LEMD3: variants seen among roughly 807,000 people sequenced by gnomAD.
The protein encoded by LEMD3 is LEM domain containing 3, also known as inner nuclear membrane protein Man1.
A neutral mutation model predicts 95.2 loss-of-function variants in LEMD3; 33 were observed. That is an observed-to-expected ratio of 0.35 (90% CI 0.26 to 0.46). The LOEUF (loss-of-function observed/expected upper bound fraction) is 0.46, where lower values mean the gene tolerates loss of function less well. Ranked by LOEUF, LEMD3 falls within the 20% of genes least tolerant of loss-of-function variation. The probability of loss-of-function intolerance (pLI) is 1.00; values close to 1 mark genes in which losing one functional copy is unlikely to be tolerated. For synonymous variants in LEMD3, 525 were observed against 474.6 expected (o/e 1.11, Z -1.38); for missense variants, 1,210 against 1,192.8 (o/e 1.01, Z -0.21).
At position 65,247,042 on chromosome 12, in the gene LEMD3, A is replaced by ATG. The variant is rs1871133970; in HGVS notation, c.*719_*720dup. ...TGTGTGTATGTGTGTGTATATATAG[A>ATG]TGTATATATATACACACACAGAGAT... is the stretch of plus-strand genomic sequence containing the variant. On this transcript the variant is annotated 3_prime_UTR_variant, in exon 13 of 13. Transcript: ENST00000308330. 6.6e-6 allele frequency: 1 copy of ATG among 152,600 alleles called. No homozygotes were observed. Among genetic ancestry groups the ATG allele is most frequent in the African/African-American group, 2.4e-5 (1 of 41,432 alleles). The allele number at this position is 152,600 out of a possible 1,614,324, so 9.5% of individuals were successfully genotyped here.
intron 2 of LEMD3, among the ~76,000 whole-genome samples, chr12:65,212,707 TA>T (rs1456306931): frequency 2.0e-5 from 3 of 152,198 alleles, no homozygotes; most frequent in Non-Finnish European, 4.4e-5. Flanking sequence ...AATTAGAAAG[TA>T]GCTAATTCAA....
chr12:65,245,840 C>A, intron 11 of LEMD3, 21 bp from the exon 12 acceptor site: 1 of 1,541,612 alleles, frequency 6.5e-7, no homozygotes, highest in Non-Finnish European at 8.8e-7. Context: ...AGACTATTTT[C>A]TTTCTTTTTT....
chr12:65,211,159 C>T (rs1869926611), intron 2 of LEMD3, among the ~76,000 whole-genome samples, 196 bp downstream of exon 2: 1 of 152,128 alleles, frequency 6.6e-6, no homozygotes, highest in Non-Finnish European at 1.5e-5. Context: ...TGAGTATTCC[C>T]TAACTGTCGT....
chr12:65,242,261 T>C (rs532802414), intron 9 of LEMD3, among the ~76,000 whole-genome samples: 1 of 152,356 alleles, frequency 6.6e-6, no homozygotes, highest in African/African-American at 2.4e-5. Context: ...AGTCCTTTTC[T>C]AGATTATCCT....
chr12:65,200,221 T>A (rs978401573), intron 1 of LEMD3, among the ~76,000 whole-genome samples: 2 of 152,096 alleles, frequency 1.3e-5, no homozygotes, highest in Non-Finnish European at 2.9e-5. Flanking sequence ...ATCAGACTGG[T>A]TGTGACCCAC....
intron 1 of LEMD3, among the ~76,000 whole-genome samples, chr12:65,179,712 A>G (rs1239731458): frequency 1.3e-5 from 2 of 152,180 alleles, no homozygotes; most frequent in Non-Finnish European, 2.9e-5. Flanking sequence ...CTGCCATGGC[A>G]CGCGTTTACC....
chr12:65,204,270 C>G (rs1419255212), intron 1 of LEMD3, among the ~76,000 whole-genome samples: 3 of 151,116 alleles, frequency 2.0e-5, no homozygotes, highest in African/African-American at 4.9e-5. Context: ...GCTGATCATT[C>G]TGTCACCCAG....
chr12:65,211,191 T>G (rs1869927825), intron 2 of LEMD3, among the ~76,000 whole-genome samples: 1 of 152,216 alleles, frequency 6.6e-6, no homozygotes, highest in African/African-American at 2.4e-5. Flanking sequence ...TGACACAGAT[T>G]TTCTCTTAAG....
At chr12:65,197,291 T>C (rs1869462561) in intron 1 of LEMD3, among the ~76,000 whole-genome samples, 1 of 152,108 alleles carries the variant, frequency 6.6e-6, no homozygotes, top group Admixed American at 6.6e-5. Context: ...AGTAGAATGG[T>C]TGTGGGAAAT....
chr12:65,193,775 T>TGTGTGTGTGTGTGTGTG (rs61507306), intron 1 of LEMD3, among the ~76,000 whole-genome samples: 30 of 145,020 alleles, frequency 2.1e-4, no homozygotes, highest in African/African-American at 4.8e-4. Context: ...TGTGTGTGTG[T>TGTGTGTGTGTGTGTGTG]TGGGGGAGGG....
rs1041523937 is a variant in LEMD3, at chr12:65,170,215, C to T, written c.619C>T (p.Leu207=). 1.3e-6 allele frequency: 2 copies of T among 1,504,486 alleles called. No homozygotes were observed. Among genetic ancestry groups the T allele is most frequent in the Non-Finnish European group, 1.8e-6 (2 of 1,125,084 alleles). The allele number at this position is 1,504,486 out of a possible 1,614,324, so 93.2% of individuals were successfully genotyped here. Residue 207 remains leucine, a synonymous_variant, in exon 1 of 13, where the codon CTG becomes TTG. Transcript: ENST00000308330. ...WGARRPAGPE[L]QTPPGKDGAV... Reference sequence around the variant, plus strand: ...GGCCAGGAGGCCGGCGGGCCCCGAGCTGCAGACCCCGCCGGGGAAAGATGG... The same window carrying T: ...GGCCAGGAGGCCGGCGGGCCCCGAGTTGCAGACCCCGCCGGGGAAAGATGG...
chr12:65,240,803 A>G, intron 8 of LEMD3, 106 bp from the exon 9 acceptor site: 3 of 963,962 alleles, frequency 3.1e-6, no homozygotes, highest in Non-Finnish European at 5.0e-6. Flanking sequence ...AAACTCCATG[A>G]GTAGTGGTAA....
In LEMD3 at chr12:65,244,290, C is replaced by A. The variant is rs533543229; in HGVS notation, c.2387+821C>A. On this transcript the variant is annotated intron_variant, in intron 10 of 12. Transcript: ENST00000308330. ...GCGCACACACACACACACACACCCC[C>A]CCCACACACACAGAGACAAACACCG... Among the ~76,000 whole-genome samples the A allele has an allele frequency of 4.4e-4, 64 of 145,514 alleles. 1 individual carries two copies. Among genetic ancestry groups the A allele is most frequent in the South Asian group, 2.1e-3 (10 of 4,678 alleles).
intron 1 of LEMD3, among the ~76,000 whole-genome samples, chr12:65,187,218 A>G (rs1869094534): frequency 6.6e-6 from 1 of 152,046 alleles, no homozygotes; most frequent in Non-Finnish European, 1.5e-5. Flanking sequence ...GGTTTGAGGG[A>G]GATAATGTTT....
intron 2 of LEMD3, among the ~76,000 whole-genome samples, chr12:65,212,424 C>G (rs1869967216): frequency 6.6e-6 from 1 of 151,744 alleles, no homozygotes; most frequent in Non-Finnish European, 1.5e-5. Context: ...GTAGTCCCAG[C>G]TACTCGGGAG....
At position 65,247,588 on chromosome 12, in the gene LEMD3, A is replaced by G. The variant is rs978510426; in HGVS notation, c.*1263A>G. Reference sequence around the variant, plus strand: ...AGTTGCTGAGTAAATTTTACTTGTAATCTACAATTGGCTTTTTAAAAATAA... The same window carrying G: ...AGTTGCTGAGTAAATTTTACTTGTAGTCTACAATTGGCTTTTTAAAAATAA... On this transcript the variant is annotated 3_prime_UTR_variant, in exon 13 of 13. Transcript: ENST00000308330. 6.6e-6 allele frequency: 1 copy of G among 152,202 alleles called. No individual in the cohort carries two copies. 9.4% of individuals were successfully genotyped at this position (152,202 alleles called of 1,614,324 possible). A position where few individuals can be genotyped will look rare whatever the true frequency, so the allele number is the denominator to read the frequency against.
chr12:65,222,552 A>G (rs1870323045), intron 4 of LEMD3, among the ~76,000 whole-genome samples: 1 of 151,960 alleles, frequency 6.6e-6, no homozygotes, highest in Non-Finnish European at 1.5e-5. Context: ...ATGAATTCTG[A>G]TTTTTTTCTT....
intron 3 of LEMD3, among the ~76,000 whole-genome samples, chr12:65,216,875 A>G (rs1565791945): frequency 1.3e-5 from 2 of 152,062 alleles, no homozygotes; most frequent in South Asian, 2.1e-4. Flanking sequence ...ATTCTGGTCA[A>G]TTTTTTAAGC....
At position 65,245,843 on chromosome 12, in the gene LEMD3, T is replaced by C; in HGVS notation, c.2494-18T>C. 1 of 1,606,250 alleles carries C rather than the reference T, an allele frequency of 6.2e-7. No individual in the cohort carries two copies. ...GCTATTAAACTAAGACTATTTTCTT[T>C]CTTTTTTAATATCACAGGGTTGTGT... On this transcript the variant is annotated intron_variant, in intron 11 of 12. Transcript: ENST00000308330.
Sources: allele counts gnomAD v4.1 joint callset (sites outside exome capture counted in the v4.1 genomes callset), GRCh38; gene constraint gnomAD v4.1.1; transcripts MANE v1.5; gene names NCBI Gene and HGNC (gene_info 2026-07-23, HGNC 2026-07-21).